MIF4GD: variants seen among roughly 807,000 people sequenced by gnomAD.
The protein encoded by MIF4GD is MIF4G domain-containing protein.
MIF4GD carries 22 observed loss-of-function variants against 26.7 expected under a neutral mutation model. That is an observed-to-expected ratio of 0.82 (90% CI 0.59 to 1.18). The LOEUF (loss-of-function observed/expected upper bound fraction) is 1.18. Ranked by LOEUF, MIF4GD falls within the 50% of genes most tolerant of loss-of-function variation. MIF4GD has a pLI of 0.00. For synonymous variants in MIF4GD, 137 were observed against 111.6 expected (o/e 1.23, Z -1.43); for missense variants, 262 against 279.6 (o/e 0.94, Z 0.45).
intron 2 of MIF4GD, among the ~76,000 whole-genome samples, chr17:75,268,575 G>A (rs1414480321): frequency 2.6e-5 from 4 of 151,818 alleles, no homozygotes; most frequent in Admixed American, 2.0e-4. Context: ...GGGAGGCTAG[G>A]GCAGGAGAAT....
chr17:75,268,294 G>T, intron 2 of MIF4GD, 102 bp from the exon 3 acceptor site: 10 of 863,044 alleles, frequency 1.2e-5, no homozygotes, highest in Middle Eastern at 2.2e-4. Flanking sequence ...GCACTCATAT[G>T]CTTGAAGTGA....
chr17:75,267,096 TG>T (rs957283273), intron 5 of MIF4GD, 129 bp from the exon 6 acceptor site: 4 of 754,222 alleles, frequency 5.3e-6, no homozygotes, highest in African/African-American at 5.2e-5. Flanking sequence ...TACCATCCAG[TG>T]GGTACTTCCA....
intron 2 of MIF4GD, among the ~76,000 whole-genome samples, 166 bp from the exon 3 acceptor site, chr17:75,268,358 C>T (rs547207844): frequency 4.6e-5 from 7 of 152,252 alleles, no homozygotes; most frequent in African/African-American, 1.7e-4. Flanking sequence ...AATTGGTTAG[C>T]GCATGGTACT....
intron 3 of MIF4GD, 24 bp from the exon 4 acceptor site, chr17:75,267,925 G>A (rs2077561067): frequency 6.2e-7 from 1 of 1,606,328 alleles, no homozygotes; most frequent in Non-Finnish European, 8.5e-7. Flanking sequence ...AGAGGAAGGT[G>A]AAGGGTGGGG....
At chr17:75,269,524 C>T (rs1830694135) in intron 2 of MIF4GD, 2 of 1,393,668 alleles carry the variant, frequency 1.4e-6, no homozygotes, top group African/African-American at 1.5e-5. Context: ...GGGCAGGAGC[C>T]GTGTTCTTTT....
In MIF4GD at chr17:75,270,046, C is replaced by G; in HGVS notation, c.82+68G>C. 2.1e-6 allele frequency: 3 copies of G among 1,395,518 alleles called. No homozygotes were observed. The highest frequency in any genetic ancestry group is 1.7e-5 in the Admixed American group (1 of 58,924). 86.4% of individuals were successfully genotyped at this position (1,395,518 alleles called of 1,614,324 possible). On this transcript the variant is annotated intron_variant, in intron 2 of 5. Coordinates refer to ENST00000325102, the MANE Select transcript of MIF4GD (RefSeq NM_001370592.1). The surrounding 1 kb of genome is among the most constrained non-coding windows in gnomAD (Gnocchi z 5.7). ...TGGAGGCATTCACCAGGCTCAGCCT[C>G]TGGTGCTGCCCACAGGGGCCCTTCT...
At chr17:75,269,736 TC>T (rs1285909814) in intron 2 of MIF4GD, among the ~76,000 whole-genome samples, 23 of 39,086 alleles carry the variant, frequency 5.9e-4, no homozygotes, top group African/African-American at 1.3e-3. Flanking sequence ...ATTTTTCTTT[TC>T]TTTCTTTTTT....
intron 3 of MIF4GD, 42 bp from the exon 4 acceptor site, chr17:75,267,943 C>T: frequency 2.5e-6 from 4 of 1,599,958 alleles, no homozygotes; most frequent in Non-Finnish European, 3.4e-6. Flanking sequence ...GGGGGCGGTG[C>T]CCCTGTAACC....
rs1438621519 is a variant in MIF4GD, at chr17:75,266,773, G to A, written c.636C>T (p.Ala212=). The A allele has an allele frequency of 1.2e-6, 2 of 1,614,166 alleles. No individual in the cohort carries two copies. Among genetic ancestry groups the A allele is most frequent in the Non-Finnish European group, 1.7e-6 (2 of 1,180,016 alleles). ...RAAGWKTTPA[A]HKYYYSEVSD ...AGACTTCGCTGTAGTAATACTTGTG[G>A]GCAGCTGGCGTTGTCTTCCAGCCGG... Residue 212 remains alanine (A), a synonymous_variant, in exon 6 of 6, where the codon GCC becomes GCT. Coordinates refer to ENST00000325102, the MANE Select transcript of MIF4GD (RefSeq NM_001370592.1).
At position 75,271,132 on chromosome 17, in the gene MIF4GD, G is replaced by A. The variant is rs1470589575; in HGVS notation, c.-51+12C>T. 3.3e-5 allele frequency: 5 copies of A among 149,730 alleles called. No homozygotes were observed. In the East Asian group the frequency reaches 5.9e-4, roughly 18 times the overall value. The allele number at this position is 149,730 out of a possible 1,614,324, so 9.3% of individuals were successfully genotyped here. On this transcript the variant is annotated intron_variant, in intron 1 of 5. Transcript: ENST00000325102. This position sits in a 1 kb window ranked among gnomAD's most constrained non-coding sequence, Gnocchi z 4.2. ...CGCGGGCGGGAGAGGCGGCGTGGGA[G>A]CCGGGACCCACCTGCCGGGCCGGTG...
At position 75,266,732 on chromosome 17, in the gene MIF4GD, C is replaced by A. The variant is rs145006252; in HGVS notation, c.*8G>T. 5 of 1,613,876 alleles carry A rather than the reference C, an allele frequency of 3.1e-6. No homozygotes were observed. The East Asian group carries it at 8.9e-5, about 29-fold the overall frequency. ...CCAGTGCTGGTGAGGAAGCCCTGAT[C>A]TGGAGGCCTAGTCGGAGACTTCGCT... On this transcript the variant is annotated 3_prime_UTR_variant, in exon 6 of 6. Transcript: ENST00000325102.
intron 2 of MIF4GD, chr17:75,269,262 C>T (rs575440066): frequency 1.9e-4 from 294 of 1,514,882 alleles, no homozygotes; most frequent in Non-Finnish European, 2.5e-4. Flanking sequence ...ATGCAAACCC[C>T]CAACAAGAGA....
chr17:75,269,780 T>C (rs1260040923), intron 2 of MIF4GD, among the ~76,000 whole-genome samples: 2 of 131,530 alleles, frequency 1.5e-5, no homozygotes, highest in Admixed American at 9.3e-5. Flanking sequence ...GTTTACACCA[T>C]GTTTCCGGGA....
chr17:75,266,504 C>T lies in MIF4GD; in HGVS notation c.*236G>A, dbSNP rs546142468. On this transcript the variant is annotated 3_prime_UTR_variant, in exon 6 of 6. Transcript: ENST00000325102. ...CACTAATGGTTACACAGTGCAGTGG[C>T]TCTTGGGAGTTGCCCTTCTCTGCCT... 2 of 583,280 alleles carry T rather than the reference C, an allele frequency of 3.4e-6. No homozygotes were observed. Among genetic ancestry groups the T allele is most frequent in the Admixed American group, 6.0e-5 (2 of 33,346 alleles). The allele number at this position is 583,280 out of a possible 1,614,324, so 36.1% of individuals were successfully genotyped here.
rs73356372 is a variant in MIF4GD, at chr17:75,267,981, T to C, written c.193-80A>G. 15,826 of 1,597,636 alleles carry C rather than the reference T, an allele frequency of 9.9e-3. 1,077 individuals are homozygous for C. In the African/African-American group the frequency reaches 0.17, roughly 18 times the overall value. On this transcript the variant is annotated intron_variant, in intron 3 of 5. Coordinates refer to ENST00000325102, the MANE Select transcript of MIF4GD (RefSeq NM_001370592.1). ...ACCCATCCTATGCCTCTCTCTCTCTTTGAGCTAGACCCTGTGCATCTCTGT... is the reference window on the plus strand; with the variant it reads ...ACCCATCCTATGCCTCTCTCTCTCTCTGAGCTAGACCCTGTGCATCTCTGT...
chr17:75,267,967 G>A lies in MIF4GD; in HGVS notation c.193-66C>T, dbSNP rs1410265563. On this transcript the variant is annotated intron_variant, in intron 3 of 5. Coordinates refer to ENST00000325102, the MANE Select transcript of MIF4GD (RefSeq NM_001370592.1). ...GCCCCTGTAACCCCACCCATCCTAT[G>A]CCTCTCTCTCTCTTTGAGCTAGACC... is the stretch of plus-strand genomic sequence containing the variant. The A allele has an allele frequency of 5.6e-6, 9 of 1,597,808 alleles. No homozygotes were observed. The Admixed American group carries it at 8.4e-5, about 15-fold the overall frequency.
rs2077698001 is a variant in MIF4GD, at chr17:75,270,590, A to C, written c.-50-345T>G. 1 of 197,680 alleles carries C rather than the reference A, an allele frequency of 5.1e-6. No individual in the cohort carries two copies. The highest frequency in any genetic ancestry group is 1.1e-5 in the Non-Finnish European group (1 of 95,072). 12.2% of individuals were successfully genotyped at this position (197,680 alleles called of 1,614,324 possible). On this transcript the variant is annotated intron_variant, in intron 1 of 5. Transcript: ENST00000325102. This position sits in a 1 kb window ranked among gnomAD's most constrained non-coding sequence, Gnocchi z 5.7. Reference sequence around the variant, plus strand: ...ACAGTTGCTTAAATAAACCGGCCTGACGTTGCTGGCCCAGGAAGATGCCGG... The same window carrying C: ...ACAGTTGCTTAAATAAACCGGCCTGCCGTTGCTGGCCCAGGAAGATGCCGG...
At position 75,267,746 on chromosome 17, in the gene MIF4GD, C is replaced by A. The variant is rs1349639047; in HGVS notation, c.348G>T (p.Arg116Ser). The A allele has an allele frequency of 6.2e-7, 1 of 1,613,028 alleles. No individual in the cohort carries two copies. The highest frequency in any genetic ancestry group is 8.5e-7 in the Non-Finnish European group (1 of 1,179,406). Reference protein sequence around the residue: ...TFICNIFDYLRVNNMPMMALV... With the variant: ...TFICNIFDYLSVNNMPMMALV... ...CCCAGGGTGGCTGCCGGGGCCTCAC[C>A]CTCAGGTAGTCAAAGATGTTGCAGA... Residue 116 changes from arginine to serine, a missense_variant and splice_region_variant, in exon 4 of 6, where the codon AGG becomes AGT. Transcript: ENST00000325102.
Position 75,266,928 on chromosome 17 carries a change from G to C in MIF4GD, c.481C>G (p.Gln161Glu). The change falls in exon 6 of 6, where the codon CAG becomes GAG. Residue 161 changes from glutamine to glutamate, a missense_variant. Transcript: ENST00000325102. ...LVLQLHRVGE[Q>E]LEKMNGQRMD... ...CGCTGCCCATTCATTTTCTCCAGCT[G>C]CTCCCCAACCCGGTGCAGCTGCAGC... 1 of 1,614,116 alleles carries C rather than the reference G, an allele frequency of 6.2e-7. No individual in the cohort carries two copies. Among genetic ancestry groups the C allele is most frequent in the Non-Finnish European group, 8.5e-7 (1 of 1,180,028 alleles).
Sources: allele counts gnomAD v4.1 joint callset (sites outside exome capture counted in the v4.1 genomes callset), GRCh38; gene constraint gnomAD v4.1.1; non-coding constraint Gnocchi (gnomAD v3.1); transcripts MANE v1.5; gene names NCBI Gene and HGNC (gene_info 2026-07-23, HGNC 2026-07-21).